PTK2B: variants seen among roughly 807,000 people sequenced by gnomAD.
PTK2B encodes protein tyrosine kinase 2 beta, also known as protein-tyrosine kinase 2-beta.
Under a neutral mutation model 142.9 loss-of-function variants are expected in PTK2B, and 71 were observed. That is an observed-to-expected ratio of 0.50 (90% CI 0.41 to 0.61). The LOEUF is 0.61. Among genes scored for constraint, PTK2B ranks in the 20% least tolerant of loss-of-function variants. The probability of loss-of-function intolerance (pLI) is 0.00; values close to 1 mark genes in which losing one functional copy is unlikely to be tolerated. For synonymous variants in PTK2B, 519 were observed against 503.4 expected (o/e 1.03, Z -0.42); for missense variants, 1,105 against 1,320.4 (o/e 0.84, Z 2.53).
At chr8:27,327,530 C>G (rs1044830494) in intron 1 of PTK2B, among the ~76,000 whole-genome samples, 7 of 152,172 alleles carry the variant, frequency 4.6e-5, no homozygotes, top group African/African-American at 7.2e-5. Flanking sequence ...ATCTGGCAAC[C>G]CTACTCTAGG....
At chr8:27,403,621 C>G (rs117176448) in intron 2 of PTK2B, among the ~76,000 whole-genome samples, 10,203 of 152,162 alleles carry the variant, frequency 0.067, 478 homozygotes, top group Middle Eastern at 0.15. Context: ...CAAGCAGAGG[C>G]TCATATCATT....
chr8:27,431,994 A>ATTT (rs368559738), intron 9 of PTK2B: 123 of 337,100 alleles, frequency 3.6e-4, no homozygotes, highest in African/African-American at 2.1e-3. Context: ...TTTTTGTGCG[A>ATTT]TTTTTTTTTT....
At chr8:27,437,606 G>C in intron 17 of PTK2B, 110 bp downstream of exon 17, 1 of 1,208,664 alleles carries the variant, frequency 8.3e-7, no homozygotes, top group Non-Finnish European at 1.2e-6. Flanking sequence ...AAATAAGCCA[G>C]AGGCCCTGTT....
intron 1 of PTK2B, among the ~76,000 whole-genome samples, chr8:27,342,166 C>T (rs1296452257): frequency 1.3e-5 from 2 of 152,190 alleles, no homozygotes; most frequent in Admixed American, 6.5e-5. Context: ...CAATTCCATT[C>T]CTTAGGGGTG....
rs148882423 is a variant in PTK2B, at chr8:27,348,279, G to C, written c.-38+22598G>C. ...TTTCCTGTGTTACGAATACTCAAAT[G>C]TTTCTTTGCTTGTTTCCAGCCGTGC... is the stretch of plus-strand genomic sequence containing the variant. On this transcript the variant is annotated intron_variant, in intron 1 of 30. Transcript: ENST00000346049. Among the ~76,000 whole-genome samples the C allele has an allele frequency of 6.1e-3, 930 of 152,332 alleles. 4 individuals carry two copies. The highest frequency in any genetic ancestry group is 0.02 in the African/African-American group (841 of 41,568).
chr8:27,332,658 A>G (rs2322607), intron 1 of PTK2B, among the ~76,000 whole-genome samples: 1 of 151,914 alleles, frequency 6.6e-6, no homozygotes, highest in Non-Finnish European at 1.5e-5. Context: ...CACACCTCAC[A>G]GCAACCTTGA....
At chr8:27,389,755 G>A (rs746517326) in intron 1 of PTK2B, among the ~76,000 whole-genome samples, 18 of 152,228 alleles carry the variant, frequency 1.2e-4, no homozygotes, top group South Asian at 2.1e-4. Flanking sequence ...AAGCCTTGGA[G>A]AGGAGGGAGG....
intron 11 of PTK2B, 108 bp from the exon 12 acceptor site, chr8:27,433,983 AGG>A: frequency 7.3e-7 from 1 of 1,366,244 alleles, no homozygotes; most frequent in South Asian, 1.2e-5. Context: ...GAATGGAATT[AGG>A]GGCTGGGATG....
At position 27,437,459 on chromosome 8, in the gene PTK2B, C is replaced by G. The variant is rs1239641619; in HGVS notation, c.1490C>G (p.Pro497Arg). The change falls in exon 17 of 31, where the codon CCC (proline) becomes CGC (arginine). Residue 497 changes from proline (P) to arginine (R), a missense_variant. Coordinates refer to ENST00000346049, the MANE Select transcript of PTK2B (RefSeq NM_173176.3). Reference sequence around the variant, plus strand: ...CTGATCGGCATCATTGAAGAGGAGCCCACCTGGATCATCATGGAATTGTAT... The same window carrying G: ...CTGATCGGCATCATTGAAGAGGAGCGCACCTGGATCATCATGGAATTGTAT... ...VKLIGIIEEE[P>R]TWIIMELYPY... The G allele has an allele frequency of 1.9e-6, 3 of 1,612,946 alleles. No individual in the cohort carries two copies. Among genetic ancestry groups the G allele is most frequent in the Non-Finnish European group, 2.5e-6 (3 of 1,179,484 alleles).
Position 27,430,357 on chromosome 8 carries a change from C to T in PTK2B, c.615-7C>T, listed in dbSNP as rs1810334363. 1 of 1,614,006 alleles carries T rather than the reference C, an allele frequency of 6.2e-7. No individual in the cohort carries two copies. The highest frequency in any genetic ancestry group is 8.5e-7 in the Non-Finnish European group (1 of 1,180,034). ...GTCACATGCTGCCTTTTTCTTCCTT[C>T]TTGCAGAAAGGAAGTGGGGCTGGAC... On this transcript the variant is annotated splice_region_variant and splice_polypyrimidine_tract_variant and intron_variant, in intron 6 of 30. Transcript: ENST00000346049.
chr8:27,402,164 A>T (rs191132541), intron 2 of PTK2B, among the ~76,000 whole-genome samples: 1 of 152,206 alleles, frequency 6.6e-6, no homozygotes, highest in South Asian at 2.1e-4. Context: ...ACCGTGATCA[A>T]TGGAGAGAAG....
At chr8:27,439,431 G>A in intron 20 of PTK2B, 33 bp downstream of exon 20, 4 of 1,586,464 alleles carry the variant, frequency 2.5e-6, no homozygotes, top group Non-Finnish European at 3.5e-6. Flanking sequence ...ATGAAAAGGT[G>A]TTCAGATTCT....
rs12677738 is a variant in PTK2B at position 27,315,940 on chromosome 8, G to C, written c.-414+2653G>C. The stretch of plus-strand genomic sequence containing the variant: ...AATTGTTTTATTCTTTGCATATGGT[G>C]GGGGGGTGGGTAAGGGTGACTAAGA... On this transcript the variant is annotated intron_variant, in intron 3 of 35. Coordinates refer to the PTK2B transcript ENST00000397501. Among the ~76,000 whole-genome samples the C allele has an allele frequency of 4.6e-3, 703 of 151,992 alleles. 6 individuals carry two copies. Among genetic ancestry groups the C allele is most frequent in the East Asian group, 0.036 (185 of 5,182 alleles).
At position 27,350,985 on chromosome 8, in the gene PTK2B, AAAAAAATATATATATATATATATATATAT is replaced by A. The variant is rs1805023613; in HGVS notation, c.-38+25306_-38+25334del. Among the ~76,000 whole-genome samples the A allele has an allele frequency of 1.2e-4, 2 of 17,232 alleles. 1 individual carries two copies. The highest frequency in any genetic ancestry group is 4.6e-3 in the South Asian group (2 of 432). 11.3% of individuals were successfully genotyped at this position (17,232 alleles called of 152,430 possible). On this transcript the variant is annotated intron_variant, in intron 1 of 30. Coordinates refer to ENST00000346049, the MANE Select transcript of PTK2B (RefSeq NM_173176.3). The stretch of plus-strand genomic sequence containing the variant: ...AGAAAGTCTCCGTCTCAAAAAAAAA[AAAAAAATATATATATATATATATATATAT>A]ATATATATATATATATATATATATA...
At chr8:27,457,995 A>AG (rs1477724669) in intron 30 of PTK2B, among the ~76,000 whole-genome samples, 1 of 136,864 alleles carries the variant, frequency 7.3e-6, no homozygotes, top group Non-Finnish European at 1.6e-5. Flanking sequence ...AAAAAAAAAA[A>AG]AAAGATCAGA....
In PTK2B at chr8:27,419,933, G is replaced by A. The variant is rs567352470; in HGVS notation, c.243G>A (p.Gly81=). ...CCATCCTGCTGAGCGGGCGGATCGG[G>A]CCCAACATCCGGTTGGCTGAGTGCT... ...ITSILLSGRI[G]PNIRLAECYG... Residue 81 remains glycine, a synonymous_variant, in exon 3 of 31, where the codon GGG becomes GGA. Transcript: ENST00000346049. 2.7e-5 allele frequency: 43 copies of A among 1,614,198 alleles called. No homozygotes were observed. In the African/African-American group the frequency reaches 4.5e-4, roughly 17 times the overall value.
chr8:27,391,004 C>A, intron 1 of PTK2B, among the ~76,000 whole-genome samples: 1 of 152,074 alleles, frequency 6.6e-6, no homozygotes, highest in East Asian at 1.9e-4. Context: ...TAAATGTACG[C>A]GCCTTCTCCC....
intron 1 of PTK2B, among the ~76,000 whole-genome samples, chr8:27,366,385 A>G (rs1004275900): frequency 3.9e-5 from 6 of 152,176 alleles, no homozygotes; most frequent in African/African-American, 1.4e-4. Flanking sequence ...TATGTGTACA[A>G]AGCAATCACC....
chr8:27,440,655 C>T (rs1446586896), intron 21 of PTK2B, among the ~76,000 whole-genome samples: 1 of 152,222 alleles, frequency 6.6e-6, no homozygotes, highest in Non-Finnish European at 1.5e-5. Context: ...CAACACAGAG[C>T]ACAGAGCCTT....
Sources: allele counts gnomAD v4.1 joint callset (sites outside exome capture counted in the v4.1 genomes callset), GRCh38; gene constraint gnomAD v4.1.1; transcripts MANE v1.5; gene names NCBI Gene and HGNC (gene_info 2026-07-23, HGNC 2026-07-21).